The following CYP39A1 variants were observed in gnomAD, a reference collection of about 807,000 sequenced individuals.
CYP39A1 encodes cytochrome P450 family 39 subfamily A member 1, also known as 24-hydroxycholesterol 7-alpha-hydroxylase.
Under a neutral mutation model 58.1 loss-of-function variants are expected in CYP39A1, and 49 were observed. That is an observed-to-expected ratio of 0.84 (90% CI 0.67 to 1.07). CYP39A1 has a LOEUF of 1.07. Ranked by LOEUF, CYP39A1 falls within the 50% of genes least tolerant of loss-of-function variation. The pLI, the probability that CYP39A1 is intolerant of heterozygous loss-of-function variation, is 0.00. For missense variants in CYP39A1, 531 were observed against 539.4 expected (o/e 0.98, Z 0.16); for synonymous variants, 209 against 187.6 (o/e 1.11, Z -0.93).
At chr6:46,598,888 T>A (rs972630161) in intron 7 of CYP39A1, among the ~76,000 whole-genome samples, 2 of 152,214 alleles carry the variant, frequency 1.3e-5, no homozygotes, top group Admixed American at 6.5e-5. Flanking sequence ...TACTAAGTGT[T>A]CAGTACAAGG....
chr6:46,600,880 G>A (rs1773453180), intron 7 of CYP39A1, among the ~76,000 whole-genome samples: 2 of 152,112 alleles, frequency 1.3e-5, no homozygotes, highest in South Asian at 2.1e-4. Flanking sequence ...ATCGAATCTA[G>A]AGAGGTGGTT....
At chr6:46,617,722 GA>G (rs910239050) in intron 7 of CYP39A1, among the ~76,000 whole-genome samples, 1 of 152,108 alleles carries the variant, frequency 6.6e-6, no homozygotes, top group Non-Finnish European at 1.5e-5. Flanking sequence ...ATCTAATTGG[GA>G]TTTCACATTC....
intron 7 of CYP39A1, among the ~76,000 whole-genome samples, chr6:46,607,443 A>T (rs913336778): frequency 3.3e-5 from 5 of 150,926 alleles, no homozygotes; most frequent in Non-Finnish European, 7.4e-5. Context: ...TAGCTCCTTA[A>T]TATTTCAAGC....
chr6:46,624,988 A>C (rs1348684007), intron 7 of CYP39A1, among the ~76,000 whole-genome samples: 1 of 152,092 alleles, frequency 6.6e-6, no homozygotes, highest in Non-Finnish European at 1.5e-5. Context: ...TTTGGTAGCA[A>C]GCCTTACCTG....
Position 46,628,308 on chromosome 6 carries a change from A to G in CYP39A1, c.840+2655T>C, listed in dbSNP as rs1483385083. Among the ~76,000 whole-genome samples, 7 of 152,234 alleles carry G rather than the reference A, an allele frequency of 4.6e-5. No homozygotes were observed. In the East Asian group the frequency reaches 1.3e-3, roughly 29 times the overall value. On this transcript the variant is annotated intron_variant, in intron 6 of 11. Transcript: ENST00000275016. Reference sequence around the variant, plus strand: ...GAAAAATGAACGAAATGTACAAGACAGTGAGAGAGCAAACACATGTTACAA... The same window carrying G: ...GAAAAATGAACGAAATGTACAAGACGGTGAGAGAGCAAACACATGTTACAA...
intron 10 of CYP39A1, chr6:46,583,480 A>G: frequency 5.1e-6 from 5 of 985,390 alleles, no homozygotes; most frequent in Non-Finnish European, 4.8e-6. Context: ...TAAATCGTAT[A>G]GTTTAATGTG....
chr6:46,577,024 A>T (rs1343644247), intron 10 of CYP39A1, among the ~76,000 whole-genome samples: 1 of 152,184 alleles, frequency 6.6e-6, no homozygotes, highest in Non-Finnish European at 1.5e-5. Flanking sequence ...TAGAGCCAGC[A>T]ATGGAGAAGG....
At chr6:46,616,189 T>TC (rs1561994151) in intron 7 of CYP39A1, among the ~76,000 whole-genome samples, 2 of 10,214 alleles carry the variant, frequency 2.0e-4, no homozygotes, top group Admixed American at 6.6e-4. Context: ...CTTTCTTTCT[T>TC]CTTTCCCTCC....
chr6:46,637,697 C>G, intron 4 of CYP39A1, 132 bp downstream of exon 4: 1 of 893,212 alleles, frequency 1.1e-6, no homozygotes, highest in Non-Finnish European at 1.7e-6. Flanking sequence ...ACACCAAAAA[C>G]AAACAGGTCA....
chr6:46,577,810 A>T (rs182488185), intron 10 of CYP39A1, among the ~76,000 whole-genome samples: 3 of 152,222 alleles, frequency 2.0e-5, no homozygotes, highest in Admixed American at 1.3e-4. Context: ...ATTGATACTT[A>T]CATACCACAC....
intron 10 of CYP39A1, among the ~76,000 whole-genome samples, chr6:46,576,372 TA>T (rs899329211): frequency 2.0e-5 from 3 of 152,024 alleles, no homozygotes; most frequent in Admixed American, 2.0e-4. Context: ...TCCAAAAGAT[TA>T]AAAGAACATC....
intron 10 of CYP39A1, among the ~76,000 whole-genome samples, chr6:46,565,788 G>C (rs1222846858): frequency 6.6e-6 from 1 of 152,156 alleles, no homozygotes; most frequent in Non-Finnish European, 1.5e-5. Flanking sequence ...GCAGGATCCA[G>C]TCAGATCATG....
chr6:46,616,187 CT>C (rs1288948960), intron 7 of CYP39A1, among the ~76,000 whole-genome samples: 19 of 14,642 alleles, frequency 1.3e-3, no homozygotes, highest in African/African-American at 4.1e-3. Flanking sequence ...TTCTTTCTTT[CT>C]TCTTTCCCTC....
Position 46,625,339 on chromosome 6 carries a change from A to G in CYP39A1, c.931+79T>C, listed in dbSNP as rs374662676. 5.9e-5 allele frequency: 55 copies of G among 931,156 alleles called. No individual in the cohort carries two copies. In the Middle Eastern group the frequency reaches 1.2e-3, roughly 21 times the overall value. The allele number at this position is 931,156 out of a possible 1,614,324, so 57.7% of individuals were successfully genotyped here. ...GATTATGTTGAATTTTTATAAAATTATAGGTATTTAGCTTTGCCAATAATG... is the reference window on the plus strand; with the variant it reads ...GATTATGTTGAATTTTTATAAAATTGTAGGTATTTAGCTTTGCCAATAATG... On this transcript the variant is annotated intron_variant, in intron 7 of 11. Transcript: ENST00000275016.
At chr6:46,617,056 G>GTT (rs1774653013) in intron 7 of CYP39A1, among the ~76,000 whole-genome samples, 3 of 152,160 alleles carry the variant, frequency 2.0e-5, no homozygotes, top group Non-Finnish European at 4.4e-5. Flanking sequence ...AACAAGTAAA[G>GTT]ATGATTGTCT....
chr6:46,554,694 G>C (rs1770580336), intron 10 of CYP39A1, among the ~76,000 whole-genome samples: 1 of 152,130 alleles, frequency 6.6e-6, no homozygotes, highest in African/African-American at 2.4e-5. Flanking sequence ...CTGCAGGATA[G>C]GGAAACCTTT....
intron 7 of CYP39A1, among the ~76,000 whole-genome samples, chr6:46,604,556 T>A (rs1773722292): frequency 6.6e-6 from 1 of 152,208 alleles, no homozygotes; most frequent in Non-Finnish European, 1.5e-5. Flanking sequence ...CACCTGATGA[T>A]CTACGAATCA....
At chr6:46,562,642 T>G (rs1374177449) in intron 10 of CYP39A1, among the ~76,000 whole-genome samples, 2 of 151,652 alleles carry the variant, frequency 1.3e-5, no homozygotes, top group Non-Finnish European at 2.9e-5. Flanking sequence ...ATAAATAAAT[T>G]TTTAAAAGTT....
chr6:46,625,878 A>G (rs1229130650), intron 6 of CYP39A1, among the ~76,000 whole-genome samples: 2 of 152,112 alleles, frequency 1.3e-5, no homozygotes, highest in Admixed American at 1.3e-4. Flanking sequence ...TAAGAATATT[A>G]ATCCAAAACA....
Sources: gnomAD v4.1 joint callset for allele counts (sites outside exome capture counted in the v4.1 genomes callset) on GRCh38, gnomAD v4.1.1 for gene constraint, MANE v1.5 for transcripts, NCBI Gene and HGNC (gene_info 2026-07-23, HGNC 2026-07-21) for gene names.